The following CDH12 variants were observed in gnomAD, a reference collection of about 807,000 sequenced individuals.
CDH12 encodes the protein cadherin 12, also known as cadherin-12.
CDH12 carries 41 observed loss-of-function variants against 74.1 expected under a neutral mutation model. The ratio of observed to expected loss-of-function variants is 0.55; its 90% confidence interval spans 0.43 to 0.72. CDH12 has a LOEUF of 0.72. CDH12 is among the 30% of genes least tolerant of loss of function. The pLI is 0.00. For missense variants in CDH12, 945 were observed against 977.2 expected (o/e 0.97, Z 0.44); for synonymous variants, 399 against 355.0 (o/e 1.12, Z -1.39).
At chr5:22,142,776 C>G (rs1222032645) in intron 4 of CDH12, 1 of 243,774 alleles carries the variant, frequency 4.1e-6, no homozygotes, top group African/African-American at 2.4e-5. Context: ...TATACTAGAT[C>G]CATTCTTCTT....
intron 1 of CDH12, among the ~76,000 whole-genome samples, chr5:22,621,841 G>A (rs892578832): frequency 2.6e-5 from 4 of 151,850 alleles, no homozygotes; most frequent in East Asian, 1.9e-4. Context: ...AAAAAAAATC[G>A]ATAATTCAGT....
At chr5:22,635,819 CAGG>C (rs201383140) in intron 1 of CDH12, among the ~76,000 whole-genome samples, 2,440 of 152,104 alleles carry the variant, frequency 0.016, 32 homozygotes, top group Middle Eastern at 0.082. Flanking sequence ...GAGGATGAGG[CAGG>C]AGAACTGCTT....
intron 3 of CDH12, among the ~76,000 whole-genome samples, chr5:22,334,577 A>G (rs1213584826): frequency 1.3e-5 from 2 of 152,174 alleles, no homozygotes; most frequent in Non-Finnish European, 2.9e-5. Context: ...ACACAACTGG[A>G]GGAATCACGT....
chr5:22,463,063 A>G (rs1403793387), intron 2 of CDH12, among the ~76,000 whole-genome samples: 8 of 152,222 alleles, frequency 5.3e-5, no homozygotes, highest in Non-Finnish European at 1.2e-4. Context: ...AAAAAGTTAA[A>G]GTGCTATTAG....
At position 21,751,582 on chromosome 5, in the gene CDH12, C is replaced by A; in HGVS notation, c.*155G>T. The stretch of plus-strand genomic sequence containing the variant: ...ATTAATTTAGTAACTTACTAGAAAC[C>A]AGGTAATCAAAGGAATCTTGTCCCA... On this transcript the variant is annotated 3_prime_UTR_variant, in exon 15 of 15. Coordinates refer to ENST00000382254, the MANE Select transcript of CDH12 (RefSeq NM_004061.5). 3 of 649,236 alleles carry A rather than the reference C, an allele frequency of 4.6e-6. No homozygotes were observed. Among genetic ancestry groups the A allele is most frequent in the South Asian group, 2.1e-5 (1 of 46,540 alleles). The allele number at this position is 649,236 out of a possible 1,614,324, so 40.2% of individuals were successfully genotyped here.
At chr5:21,806,859 C>T (rs148515706) in intron 9 of CDH12, among the ~76,000 whole-genome samples, 1 of 152,306 alleles carries the variant, frequency 6.6e-6, no homozygotes, top group Non-Finnish European at 1.5e-5. Context: ...TTAGTTTATA[C>T]TTTAACTTTG....
chr5:22,452,961 T>C (rs1198064956), intron 2 of CDH12, among the ~76,000 whole-genome samples: 1 of 122,772 alleles, frequency 8.1e-6, no homozygotes, highest in Admixed American at 8.1e-5. Flanking sequence ...GGCATAAAAA[T>C]AGCCAAAAGG....
intron 1 of CDH12, among the ~76,000 whole-genome samples, chr5:22,753,266 T>C (rs182217942): frequency 5.3e-5 from 8 of 151,896 alleles, no homozygotes; most frequent in African/African-American, 1.9e-4. Flanking sequence ...ATGAACCCTG[T>C]CTCTATTAAA....
intron 10 of CDH12, 44 bp from the exon 11 acceptor site, chr5:21,783,538 T>G (rs775730554): frequency 8.9e-6 from 13 of 1,453,770 alleles, no homozygotes; most frequent in Admixed American, 8.7e-5. Context: ...TGATTACACA[T>G]TAATCATAAT....
chr5:22,314,775 C>T (rs1247936210), intron 3 of CDH12, among the ~76,000 whole-genome samples: 1 of 149,422 alleles, frequency 6.7e-6, no homozygotes, highest in African/African-American at 2.5e-5. Flanking sequence ...AACATACAAA[C>T]CAAAAAAGGA....
chr5:21,785,289 C>G (rs1256794184), intron 10 of CDH12, among the ~76,000 whole-genome samples: 6 of 152,172 alleles, frequency 3.9e-5, no homozygotes, highest in African/African-American at 1.4e-4. Flanking sequence ...TGGGCCTTCT[C>G]TAGTCCCTGA....
At chr5:22,154,497 G>GTACACATATATA (rs1747880885) in intron 4 of CDH12, among the ~76,000 whole-genome samples, 1 of 2,052 alleles carries the variant, frequency 4.9e-4, no homozygotes, top group Non-Finnish European at 1.2e-3. Flanking sequence ...ACATATATAT[G>GTACACATATATA]TACACATATA....
intron 1 of CDH12, among the ~76,000 whole-genome samples, chr5:22,581,663 C>A (rs1580786084): frequency 6.6e-6 from 1 of 152,318 alleles, no homozygotes; most frequent in East Asian, 1.9e-4. Context: ...ATCCTCCAGA[C>A]ACCAGAATAA....
intron 6 of CDH12, among the ~76,000 whole-genome samples, chr5:21,871,646 G>A (rs1321611291): frequency 6.6e-6 from 1 of 152,136 alleles, no homozygotes; most frequent in Non-Finnish European, 1.5e-5. Flanking sequence ...AGAATCATTT[G>A]AACCCAGGAG....
chr5:22,460,506 G>A (rs942206929), intron 2 of CDH12, among the ~76,000 whole-genome samples: 1 of 152,102 alleles, frequency 6.6e-6, no homozygotes, highest in African/African-American at 2.4e-5. Context: ...AACTTTGGAG[G>A]TGTGGCTCAA....
At chr5:22,724,554 G>A (rs1744065370) in intron 1 of CDH12, among the ~76,000 whole-genome samples, 2 of 152,072 alleles carry the variant, frequency 1.3e-5, no homozygotes, top group African/African-American at 4.8e-5. Context: ...TGCTGCAAAA[G>A]ACATTATTTC....
chr5:21,973,518 A>G (rs556392617), intron 6 of CDH12, among the ~76,000 whole-genome samples: 2 of 152,276 alleles, frequency 1.3e-5, no homozygotes, highest in South Asian at 4.1e-4. Context: ...AGCCCTAGTT[A>G]TTATAGTTGG....
intron 2 of CDH12, among the ~76,000 whole-genome samples, chr5:22,473,697 A>T (rs1746057221): frequency 6.6e-6 from 1 of 152,164 alleles, no homozygotes; most frequent in African/African-American, 2.4e-5. Context: ...AACTAATGTG[A>T]TCACATTTAT....
chr5:22,089,344 T>C (rs557716804), intron 4 of CDH12, among the ~76,000 whole-genome samples: 1 of 152,212 alleles, frequency 6.6e-6, no homozygotes, highest in Non-Finnish European at 1.5e-5. Context: ...AAAAATGGGA[T>C]CCACACACTG....
Sources: gnomAD v4.1 joint callset for allele counts (sites outside exome capture counted in the v4.1 genomes callset) on GRCh38, gnomAD v4.1.1 for gene constraint, MANE v1.5 for transcripts, NCBI Gene and HGNC (gene_info 2026-07-23, HGNC 2026-07-21) for gene names.